The following SOX6 variants were observed in gnomAD, a reference collection of about 807,000 sequenced individuals.
SOX6 encodes the protein SRY-box transcription factor 6.
In SOX6, 11 loss-of-function variants were observed where a neutral mutation model predicts 97.8. The observed-to-expected ratio is 0.11, with a 90% CI of 0.07 to 0.19. SOX6 has a LOEUF of 0.19. Ranked by LOEUF, SOX6 falls within the 10% of genes least tolerant of loss-of-function variation. SOX6 has a pLI of 1.00. For synonymous variants in SOX6, 360 were observed against 371.4 expected, an observed-to-expected ratio of 0.97 and a Z score of 0.35; for missense variants, 810 against 1,039.5, an observed-to-expected ratio of 0.78 and a Z score of 3.04.
chr11:16,053,587 C>T (rs185966424), intron 10 of SOX6, among the ~76,000 whole-genome samples: 4 of 152,198 alleles, frequency 2.6e-5, no homozygotes, highest in African/African-American at 9.6e-5. Flanking sequence ...AGTAGAAAGA[C>T]ACTAAGTGGC....
chr11:16,655,371 T>C (rs937403287), intron 3 of SOX6, among the ~76,000 whole-genome samples: 6 of 152,106 alleles, frequency 3.9e-5, no homozygotes, highest in East Asian at 1.9e-4. Context: ...AAGTGAAGAT[T>C]AGGCTCAGTG....
chr11:16,304,173 T>G (rs1225283336), intron 3 of SOX6, among the ~76,000 whole-genome samples: 1 of 152,080 alleles, frequency 6.6e-6, no homozygotes, highest in Non-Finnish European at 1.5e-5. Flanking sequence ...TCTTCGGTCT[T>G]CCAAAGTGCT....
chr11:16,528,682 G>C (rs1861200364), intron 4 of SOX6, among the ~76,000 whole-genome samples: 1 of 152,066 alleles, frequency 6.6e-6, no homozygotes, highest in African/African-American at 2.4e-5. Context: ...TGAAATGATA[G>C]GCAGAAATGA....
chr11:16,286,287 TTGCTTAA>T (rs1854741317), intron 3 of SOX6, among the ~76,000 whole-genome samples: 1 of 152,096 alleles, frequency 6.6e-6, no homozygotes, highest in African/African-American at 2.4e-5. Flanking sequence ...ACTAACGTCA[TTGCTTAA>T]AGAGTCTACT....
At chr11:16,022,845 A>G (rs960716659) in intron 12 of SOX6, among the ~76,000 whole-genome samples, 8 of 152,170 alleles carry the variant, frequency 5.3e-5, no homozygotes, top group African/African-American at 1.9e-4. Context: ...CTGTATGATA[A>G]GAACCAAACT....
chr11:16,281,983 GTATA>G (rs57254231), intron 3 of SOX6, among the ~76,000 whole-genome samples: 127,064 of 143,050 alleles, frequency 0.89, 57,119 homozygotes, highest in East Asian at 0.98. Context: ...ATAAAATCAT[GTATA>G]TATATATATA....
intron 4 of SOX6, among the ~76,000 whole-genome samples, chr11:16,604,638 C>G (rs1848312513): frequency 6.6e-6 from 1 of 152,214 alleles, no homozygotes; most frequent in Non-Finnish European, 1.5e-5. Context: ...CACCTCTAGC[C>G]CTAAACTTCA....
intron 13 of SOX6, among the ~76,000 whole-genome samples, chr11:16,005,752 A>T (rs1332417835): frequency 6.6e-6 from 1 of 152,062 alleles, no homozygotes; most frequent in Non-Finnish European, 1.5e-5. Flanking sequence ...AAAATGATTG[A>T]ACATATTTCT....
At chr11:16,272,936 A>G (rs1854299679) in intron 3 of SOX6, among the ~76,000 whole-genome samples, 1 of 151,874 alleles carries the variant, frequency 6.6e-6, no homozygotes, top group African/African-American at 2.4e-5. Context: ...TTAAAATGGG[A>G]TTAATATTAG....
chr11:16,636,613 C>CG (rs1564854046), intron 3 of SOX6, among the ~76,000 whole-genome samples: 1 of 152,000 alleles, frequency 6.6e-6, no homozygotes, highest in Non-Finnish European at 1.5e-5. Flanking sequence ...TGGGAGGGCC[C>CG]GGGGCAAAAT....
At chr11:16,520,108 G>A (rs1019834489) in intron 4 of SOX6, among the ~76,000 whole-genome samples, 13 of 152,124 alleles carry the variant, frequency 8.5e-5, no homozygotes, top group African/African-American at 2.4e-5. Flanking sequence ...TTTTTTGTTA[G>A]ATGCATACTT....
At chr11:16,500,389 G>A (rs966175456) in intron 4 of SOX6, among the ~76,000 whole-genome samples, 12 of 152,120 alleles carry the variant, frequency 7.9e-5, no homozygotes, top group South Asian at 6.2e-4. Flanking sequence ...CATTCCCTTC[G>A]AAAACTGGCA....
chr11:16,080,822 GGTA>G (rs1341274591), intron 9 of SOX6, among the ~76,000 whole-genome samples: 1 of 152,076 alleles, frequency 6.6e-6, no homozygotes, highest in Non-Finnish European at 1.5e-5. Flanking sequence ...GGAACAGTTA[GGTA>G]GGCTTTACTC....
intron 10 of SOX6, among the ~76,000 whole-genome samples, chr11:16,053,205 C>A (rs1847727175): frequency 6.6e-6 from 1 of 152,130 alleles, no homozygotes; most frequent in Admixed American, 6.6e-5. Flanking sequence ...GTAGTGCCTG[C>A]CTCACTTGTT....
chr11:16,606,987 G>C (rs1286049482), intron 4 of SOX6, among the ~76,000 whole-genome samples: 1 of 151,752 alleles, frequency 6.6e-6, no homozygotes, highest in Non-Finnish European at 1.5e-5. Flanking sequence ...CCCCCTCCGC[G>C]TCGGCCCCTC....
intron 3 of SOX6, among the ~76,000 whole-genome samples, chr11:16,275,703 G>A (rs891247417): frequency 6.6e-6 from 1 of 152,196 alleles, no homozygotes; most frequent in African/African-American, 2.4e-5. Flanking sequence ...TAGCAATAGA[G>A]TTGGAATTGG....
intron 4 of SOX6, among the ~76,000 whole-genome samples, chr11:16,581,039 G>A (rs1848028232): frequency 1.3e-5 from 2 of 152,072 alleles, no homozygotes; most frequent in South Asian, 2.1e-4. Context: ...ACAGTGCGGC[G>A]ATTCCTCAAG....
At chr11:15,974,529 A>T (rs538570547) in intron 15 of SOX6, among the ~76,000 whole-genome samples, 5 of 133,580 alleles carry the variant, frequency 3.7e-5, no homozygotes, top group African/African-American at 1.1e-4. Flanking sequence ...TCCCAATGCT[A>T]TCCCTCCCCC....
intron 4 of SOX6, among the ~76,000 whole-genome samples, chr11:16,232,205 GT>G (rs1852874757): frequency 6.6e-6 from 1 of 151,768 alleles, no homozygotes; most frequent in African/African-American, 2.4e-5. Flanking sequence ...AACTGGCCTG[GT>G]TTCCACCAGA....
Sources: gnomAD v4.1 joint callset for allele counts (sites outside exome capture counted in the v4.1 genomes callset) on GRCh38, gnomAD v4.1.1 for gene constraint, MANE v1.5 for transcripts, NCBI Gene and HGNC (gene_info 2026-07-23, HGNC 2026-07-21) for gene names.